The following TASP1 variants were observed in gnomAD, a reference collection of about 807,000 sequenced individuals.
The protein encoded by TASP1 is threonine aspartase 1.
A neutral mutation model predicts 56.6 loss-of-function variants in TASP1; 16 were observed. That is an observed-to-expected ratio of 0.28 (90% CI 0.19 to 0.43). The LOEUF is 0.43. Ranked by LOEUF, TASP1 falls within the 20% of genes least tolerant of loss-of-function variation. TASP1 has a pLI of 1.00. For missense variants in TASP1, 393 were observed against 511.6 expected (o/e 0.77, Z 2.24); for synonymous variants, 179 against 184.2 (o/e 0.97, Z 0.23).
the TASP1 span, among the ~76,000 whole-genome samples, chr20:13,162,020 C>T: frequency 6.6e-6 from 1 of 152,160 alleles, no homozygotes; most frequent in African/African-American, 2.4e-5. Flanking sequence ...CCCAGATTCT[C>T]TAAAATGAGT....
In TASP1 at chr20:13,498,609, G is replaced by A. The variant is rs895638695; in HGVS notation, c.875-15272C>T. Among the ~76,000 whole-genome samples the A allele has an allele frequency of 9.9e-5, 15 of 151,928 alleles. 1 individual carries two copies. The highest frequency in any genetic ancestry group is 3.6e-4 in the African/African-American group (15 of 41,430). ...CCTGACCGCCTCGGCCTCTCAAAGT[G>A]CTAGGATTATAGGCGTGGGCCACCA... On this transcript the variant is annotated intron_variant, in intron 10 of 13. Coordinates refer to ENST00000337743, the MANE Select transcript of TASP1 (RefSeq NM_017714.3).
the TASP1 span, among the ~76,000 whole-genome samples, chr20:13,250,416 T>C: frequency 6.6e-6 from 1 of 152,182 alleles, no homozygotes; most frequent in East Asian, 1.9e-4. Flanking sequence ...CTTGGGGGCA[T>C]ATGGAGTTTT....
intron 4 of TASP1, among the ~76,000 whole-genome samples, chr20:13,596,530 C>T (rs917126863): frequency 3.3e-4 from 50 of 152,254 alleles, no homozygotes; most frequent in African/African-American, 9.6e-4. Context: ...ACATTTAAAG[C>T]AGTGTGTAGA....
the TASP1 span, among the ~76,000 whole-genome samples, chr20:13,208,897 T>C: frequency 1.3e-5 from 2 of 152,236 alleles, no homozygotes; most frequent in Non-Finnish European, 2.9e-5. Flanking sequence ...GTTTTTGCTC[T>C]TTTAAGACAC....
the TASP1 span, among the ~76,000 whole-genome samples, chr20:13,377,058 C>T: frequency 6.6e-6 from 1 of 152,138 alleles, no homozygotes; most frequent in African/African-American, 2.4e-5. Context: ...TATTTGAATA[C>T]CCTTTATTTC....
At chr20:13,516,806 G>A (rs888866197) in intron 10 of TASP1, among the ~76,000 whole-genome samples, 1 of 151,840 alleles carries the variant, frequency 6.6e-6, no homozygotes, top group Non-Finnish European at 1.5e-5. Context: ...TGCATCTTGG[G>A]GATCACTTTA....
chr20:13,499,078 T>C (rs1044043298), intron 10 of TASP1, among the ~76,000 whole-genome samples: 3 of 152,100 alleles, frequency 2.0e-5, no homozygotes, highest in Admixed American at 6.6e-5. Flanking sequence ...TGCATATTAA[T>C]GGTGGATTAA....
At chr20:13,335,361 C>A in the TASP1 span, among the ~76,000 whole-genome samples, 1 of 146,702 alleles carries the variant, frequency 6.8e-6, no homozygotes, top group South Asian at 2.1e-4. Context: ...CACACACACA[C>A]AAACACACAC....
At chr20:13,213,684 G>C in the TASP1 span, among the ~76,000 whole-genome samples, 1 of 152,056 alleles carries the variant, frequency 6.6e-6, no homozygotes, top group East Asian at 1.9e-4. Context: ...TCTCAATCAA[G>C]AATTTTTCCC....
At chr20:13,465,121 T>C (rs995653841) in intron 11 of TASP1, among the ~76,000 whole-genome samples, 1 of 140,644 alleles carries the variant, frequency 7.1e-6, no homozygotes, top group African/African-American at 2.7e-5. Context: ...TAGTGAGCCA[T>C]GATGGTGCCA....
intron 11 of TASP1, among the ~76,000 whole-genome samples, chr20:13,466,883 GT>G (rs2044278838): frequency 6.6e-6 from 1 of 152,118 alleles, no homozygotes; most frequent in Non-Finnish European, 1.5e-5. Context: ...AATTTTCTCA[GT>G]TTTTATAAAC....
chr20:13,505,951 A>G (rs980358799), intron 10 of TASP1, among the ~76,000 whole-genome samples: 3 of 152,108 alleles, frequency 2.0e-5, no homozygotes, highest in Non-Finnish European at 2.9e-5. Flanking sequence ...ACCAATAGAA[A>G]AGATCAACAA....
the TASP1 span, chr20:13,110,166 G>C: frequency 6.2e-7 from 1 of 1,613,486 alleles, no homozygotes; most frequent in Non-Finnish European, 8.5e-7. Context: ...GGCCAGCCTC[G>C]AACCCGCAGA....
the TASP1 span, among the ~76,000 whole-genome samples, chr20:13,161,533 G>A: frequency 2.6e-5 from 4 of 152,164 alleles, no homozygotes; most frequent in African/African-American, 7.2e-5. Context: ...AATCGCAGGT[G>A]GGGACCCAGA....
chr20:13,280,800 G>A, the TASP1 span, among the ~76,000 whole-genome samples: 1 of 152,206 alleles, frequency 6.6e-6, no homozygotes, highest in Non-Finnish European at 1.5e-5. Context: ...TATTCTCTGT[G>A]TGTCCAAGAA....
At chr20:13,565,280 T>G (rs1346523134) in intron 7 of TASP1, among the ~76,000 whole-genome samples, 1 of 151,880 alleles carries the variant, frequency 6.6e-6, no homozygotes, top group Non-Finnish European at 1.5e-5. Context: ...GAGCTAAAAC[T>G]ATAAATCTCT....
At chr20:13,522,630 A>G (rs773494851) in intron 10 of TASP1, among the ~76,000 whole-genome samples, 1 of 152,196 alleles carries the variant, frequency 6.6e-6, no homozygotes, top group Non-Finnish European at 1.5e-5. Flanking sequence ...TGTTATATAT[A>G]CAAGTGGAGA....
the TASP1 span, among the ~76,000 whole-genome samples, chr20:13,279,435 G>T: frequency 6.6e-6 from 1 of 152,118 alleles, no homozygotes; most frequent in Non-Finnish European, 1.5e-5. Context: ...CCAACCCAAA[G>T]CCATGTTCCA....
intron 4 of TASP1, chr20:13,616,800 A>G (rs2048539502): frequency 7.3e-6 from 2 of 275,520 alleles, no homozygotes; most frequent in South Asian, 3.3e-5. Context: ...CCTTAGTACT[A>G]AAGGCAAGAA....
Sources: gnomAD v4.1 joint callset for allele counts (sites outside exome capture counted in the v4.1 genomes callset) on GRCh38, gnomAD v4.1.1 for gene constraint, MANE v1.5 for transcripts, NCBI Gene and HGNC (gene_info 2026-07-23, HGNC 2026-07-21) for gene names.